Variants in CCSER1 observed in about 807,000 individuals in gnomAD.
The protein encoded by CCSER1 is coiled-coil serine rich protein 1.
CCSER1 carries 41 observed loss-of-function variants against 82.0 expected under a neutral mutation model. The observed-to-expected ratio is 0.50, with a 90% confidence interval of 0.39 to 0.65. The LOEUF (loss-of-function observed/expected upper bound fraction) is 0.65. Among genes scored for constraint, CCSER1 ranks in the 30% least tolerant of loss-of-function variants. CCSER1 has a pLI of 0.00. For missense variants in CCSER1, 1,119 were observed against 1,064.2 expected, an observed-to-expected ratio of 1.05 and a Z score of -0.72; for synonymous variants, 414 against 383.9, an observed-to-expected ratio of 1.08 and a Z score of -0.92.
chr4:90,191,838 A>G (rs557739914), intron 1 of CCSER1, among the ~76,000 whole-genome samples: 2 of 152,218 alleles, frequency 1.3e-5, no homozygotes, highest in Admixed American at 6.5e-5. Flanking sequence ...ATTAAAAAAT[A>G]CCCAACAGTA....
At chr4:91,041,549 C>A (rs1741955001) in intron 9 of CCSER1, among the ~76,000 whole-genome samples, 1 of 152,142 alleles carries the variant, frequency 6.6e-6, no homozygotes. Flanking sequence ...ATCCCCGTGA[C>A]TGTACAACAG....
At chr4:90,893,184 GCTTT>G (rs1723198666) in intron 8 of CCSER1, among the ~76,000 whole-genome samples, 1 of 151,238 alleles carries the variant, frequency 6.6e-6, no homozygotes, top group Admixed American at 6.6e-5. Context: ...TAGGACATGG[GCTTT>G]CTAACAGAAA....
chr4:90,158,871 TG>T, intron 1 of CCSER1, among the ~76,000 whole-genome samples: 1 of 152,044 alleles, frequency 6.6e-6, no homozygotes, highest in Non-Finnish European at 1.5e-5. Flanking sequence ...TCGCGCAGGG[TG>T]TGCTGCACCC....
chr4:90,908,769 T>G (rs1004470100), intron 8 of CCSER1, among the ~76,000 whole-genome samples: 1 of 152,118 alleles, frequency 6.6e-6, no homozygotes, highest in African/African-American at 2.4e-5. Flanking sequence ...AATGGAAAAC[T>G]GTTAGTGTGT....
intron 1 of CCSER1, among the ~76,000 whole-genome samples, chr4:90,153,762 A>T (rs1290977850): frequency 1.3e-5 from 2 of 151,966 alleles, no homozygotes; most frequent in Non-Finnish European, 1.5e-5. Flanking sequence ...GTTTGAGTTC[A>T]TTGTAGATTC....
intron 6 of CCSER1, among the ~76,000 whole-genome samples, chr4:90,659,161 C>A (rs1039149): frequency 0.51 from 77,065 of 149,990 alleles, 19,980 homozygotes; most frequent in Middle Eastern, 0.67. Context: ...GACTCGTTGA[C>A]TCACATCAGT....
chr4:90,298,404 C>G (rs1247199958), intron 1 of CCSER1, among the ~76,000 whole-genome samples: 1 of 151,522 alleles, frequency 6.6e-6, no homozygotes, highest in Non-Finnish European at 1.5e-5. Flanking sequence ...ATTAGTCTTG[C>G]TAGTGGTCTA....
chr4:91,333,462 C>T (rs1747097621), intron 10 of CCSER1, among the ~76,000 whole-genome samples: 1 of 151,976 alleles, frequency 6.6e-6, no homozygotes, highest in African/African-American at 2.4e-5. Context: ...TCATGTTGCC[C>T]ATCATATTCA....
intron 4 of CCSER1, among the ~76,000 whole-genome samples, chr4:90,405,953 GAA>G (rs112348786): frequency 0.011 from 1,538 of 146,234 alleles, 17 homozygotes; most frequent in South Asian, 0.031. Context: ...GTAACAAAAT[GAA>G]AAAAAAAAGT....
intron 1 of CCSER1, among the ~76,000 whole-genome samples, chr4:90,233,154 G>C (rs1369032693): frequency 1.3e-5 from 2 of 152,104 alleles, no homozygotes; most frequent in East Asian, 1.9e-4. Context: ...AAATCATGCT[G>C]CTATAAAGAG....
intron 5 of CCSER1, among the ~76,000 whole-genome samples, chr4:90,500,688 T>C (rs1022976050): frequency 2.6e-5 from 4 of 152,058 alleles, no homozygotes; most frequent in African/African-American, 9.7e-5. Flanking sequence ...CATTACAGCA[T>C]AGACTTGGAA....
intron 4 of CCSER1, among the ~76,000 whole-genome samples, chr4:90,451,163 T>C (rs1345088300): frequency 6.6e-6 from 1 of 152,178 alleles, no homozygotes; most frequent in Non-Finnish European, 1.5e-5. Context: ...ACAGCTGCCT[T>C]GAACAAGGGG....
chr4:90,245,481 G>C (rs1350422168), intron 1 of CCSER1, among the ~76,000 whole-genome samples: 2 of 152,140 alleles, frequency 1.3e-5, no homozygotes, highest in Non-Finnish European at 2.9e-5. Flanking sequence ...AGACATTATT[G>C]TTGGGTTGGA....
intron 5 of CCSER1, among the ~76,000 whole-genome samples, chr4:90,511,118 T>A (rs1488511563): frequency 6.6e-6 from 1 of 151,778 alleles, no homozygotes; most frequent in Non-Finnish European, 1.5e-5. Context: ...AGAGATAGAG[T>A]AAGATGAAGC....
At chr4:90,947,412 T>C (rs937414635) in intron 9 of CCSER1, among the ~76,000 whole-genome samples, 1 of 152,184 alleles carries the variant, frequency 6.6e-6, no homozygotes, top group Non-Finnish European at 1.5e-5. Flanking sequence ...CACATGTACA[T>C]AAAGCTATCT....
At chr4:91,341,472 A>C (rs1747713522) in intron 10 of CCSER1, among the ~76,000 whole-genome samples, 1 of 152,248 alleles carries the variant, frequency 6.6e-6, no homozygotes, top group South Asian at 2.1e-4. Flanking sequence ...AGAGAAAAAA[A>C]TTGAATACAA....
chr4:91,108,575 A>C (rs1179266263), intron 10 of CCSER1, among the ~76,000 whole-genome samples: 1 of 152,234 alleles, frequency 6.6e-6, no homozygotes, highest in Non-Finnish European at 1.5e-5. Context: ...GATTTACTTT[A>C]TACTCTGACG....
At chr4:90,432,770 T>C (rs1758468254) in intron 4 of CCSER1, among the ~76,000 whole-genome samples, 1 of 152,054 alleles carries the variant, frequency 6.6e-6, no homozygotes, top group Non-Finnish European at 1.5e-5. Context: ...AATAAGACAG[T>C]TCTAAGCATT....
At chr4:90,551,496 C>T (rs1422895981) in intron 5 of CCSER1, among the ~76,000 whole-genome samples, 1 of 151,738 alleles carries the variant, frequency 6.6e-6, no homozygotes, top group African/African-American at 2.4e-5. Context: ...TTGCTTGGCA[C>T]CTAAGCATTT....
Sources: allele counts gnomAD v4.1 joint callset (sites outside exome capture counted in the v4.1 genomes callset), GRCh38; gene constraint gnomAD v4.1.1; transcripts MANE v1.5; gene names NCBI Gene and HGNC (gene_info 2026-07-23, HGNC 2026-07-21).